MYBBP1A: variants seen among roughly 807,000 people sequenced by gnomAD.
The protein encoded by MYBBP1A is myb-binding protein 1A.
In MYBBP1A, 147 loss-of-function variants were observed where a neutral mutation model predicts 136.3. The observed-to-expected ratio is 1.08, with a 90% CI of 0.94 to 1.24. The LOEUF (loss-of-function observed/expected upper bound fraction) is 1.24, where lower values mean the gene tolerates loss of function less well. Among genes scored for constraint, MYBBP1A ranks in the 50% most tolerant of loss-of-function variants. The pLI, the probability that MYBBP1A is intolerant of heterozygous loss-of-function variation, is 0.00. For missense variants in MYBBP1A, 2,060 were observed against 1,727.4 expected (o/e 1.19, Z -3.41); for synonymous variants, 947 against 735.8 (o/e 1.29, Z -4.65).
rs1172098045 is a variant in MYBBP1A at position 4,554,867 on chromosome 17, C to T, written c.288G>A (p.Leu96=). 6.2e-7 allele frequency: 1 copy of T among 1,613,398 alleles called. No individual in the cohort carries two copies. Among genetic ancestry groups the T allele is most frequent in the African/African-American group, 1.3e-5 (1 of 74,946 alleles). ...GCCAGGAGCACCACCTCACCTGTGC[C>T]AGGGCCAAACTGTAGCAGGGCCGGG... The part of the protein sequence containing the change: ...ETARPCYSLA[L]AQLLQSFEDL... Residue 96 remains leucine, a synonymous_variant, in exon 2 of 26, where the codon CTG becomes CTA. Transcript: ENST00000254718.
rs190623725 is a variant in MYBBP1A, at chr17:4,552,082, C to T, written c.905+43G>A. 1.8e-4 allele frequency: 292 copies of T among 1,601,468 alleles called. No individual in the cohort carries two copies. In the East Asian group the frequency reaches 5.3e-3, roughly 29 times the overall value. On this transcript the variant is annotated intron_variant, in intron 7 of 25. Coordinates refer to ENST00000254718, the MANE Select transcript of MYBBP1A (RefSeq NM_014520.4). This position sits in a 1 kb window ranked among gnomAD's most constrained non-coding sequence, Gnocchi z 4.7. ...AGGACTAGTGGCCTAGCCCACTTCA[C>T]GGACAGGGAAGGGGGCCGAGAGAGG...
chr17:4,540,245 G>GC lies in MYBBP1A; in HGVS notation c.3434+102_3434+103insG. 3.6e-6 allele frequency: 5 copies of GC among 1,397,144 alleles called. No individual in the cohort carries two copies. The African/African-American group carries it at 5.0e-5, about 14-fold the overall frequency. 86.5% of individuals were successfully genotyped at this position (1,397,144 alleles called of 1,614,324 possible). The stretch of plus-strand genomic sequence containing the variant: ...GTGTGTGCAGCAGCATGCGTGTGCA[G>GC]TGTGCGTGTGCAGCAGCGTGTGTGC... On this transcript the variant is annotated intron_variant, in intron 25 of 25. Coordinates refer to ENST00000254718, the MANE Select transcript of MYBBP1A (RefSeq NM_014520.4).
At chr17:4,540,010 A>T (rs201370679) in intron 25 of MYBBP1A, 43 bp from the exon 26 acceptor site, 21 of 1,574,256 alleles carry the variant, frequency 1.3e-5, no homozygotes. Context: ...CATCGAGGGC[A>T]GCAGCCACCG....
chr17:4,550,076 TG>T lies in MYBBP1A; in HGVS notation c.1300del (p.Gln434ArgfsTer15). 1 of 1,613,158 alleles carries T rather than the reference TG, an allele frequency of 6.2e-7. No individual in the cohort carries two copies. The highest frequency in any genetic ancestry group is 8.5e-7 in the Non-Finnish European group (1 of 1,179,380). ...DFSTNNQKKA[Q>X]DSSLHMPERA... ...CACTCACATGTGGAGCGATGAATCC[TG>T]GGCTTTCTTCTGGTTGTTGGTGCTG... On this transcript the variant is annotated frameshift_variant, in exon 9 of 26. Coordinates refer to ENST00000254718, the MANE Select transcript of MYBBP1A (RefSeq NM_014520.4). LOFTEE classifies it high-confidence loss of function.
At chr17:4,543,335 G>A in intron 19 of MYBBP1A, 170 bp from the exon 20 acceptor site, 1 of 867,818 alleles carries the variant, frequency 1.2e-6, no homozygotes, top group East Asian at 2.7e-5. Context: ...CTGCCTGGAA[G>A]CTGTGTGGGC....
At chr17:4,541,952 G>T in intron 22 of MYBBP1A, 61 bp from the exon 23 acceptor site, 2 of 1,388,202 alleles carry the variant, frequency 1.4e-6, no homozygotes, top group Non-Finnish European at 1.0e-6. Flanking sequence ...ACGGCTCAGG[G>T]ATGCATGAGG....
At chr17:4,544,729 T>TGGGCGCACAGGGAG (rs1906805688) in intron 18 of MYBBP1A, 22 bp downstream of exon 18, 3 of 1,482,126 alleles carry the variant, frequency 2.0e-6, no homozygotes, top group African/African-American at 3.5e-5. Flanking sequence ...CGGGGGTGGG[T>TGGGCGCACAGGGAG]GCGGCCCGCC....
Position 4,548,264 on chromosome 17 carries a change from T to C in MYBBP1A, c.1603A>G (p.Thr535Ala), listed in dbSNP as rs755346830. Residue 535 changes from threonine to alanine, a missense_variant, in exon 12 of 26, where the codon ACC becomes GCC. Transcript: ENST00000254718. This position sits in a 1 kb window ranked among gnomAD's most constrained non-coding sequence, Gnocchi z 4.2. ...TAGGTCCAGGGCTGCCCACCCTGGGTCTGGCCCGGTGCCTGCTTGAACTGC... is the reference window on the plus strand; with the variant it reads ...TAGGTCCAGGGCTGCCCACCCTGGGCCTGGCCCGGTGCCTGCTTGAACTGC... ...STQFKQAPGQ[T>A]QGGQPWTYHL... is the part of the protein sequence containing the mutation. 2 of 1,612,418 alleles carry C rather than the reference T, an allele frequency of 1.2e-6. No homozygotes were observed. Among genetic ancestry groups the C allele is most frequent in the Non-Finnish European group, 1.7e-6 (2 of 1,180,010 alleles).
rs764770064 is a variant in MYBBP1A at position 4,544,525 on chromosome 17, T to C, written c.2603A>G (p.Glu868Gly). 3 of 1,554,416 alleles carry C rather than the reference T, an allele frequency of 1.9e-6. No individual in the cohort carries two copies. Among genetic ancestry groups the C allele is most frequent in the South Asian group, 2.4e-5 (2 of 84,350 alleles). The change falls in exon 19 of 26, where the codon GAG becomes GGG. Residue 868 changes from glutamate (E) to glycine (G), a missense_variant. By Grantham distance (98) the Glu-to-Gly change is moderately conservative (BLOSUM62 -2). Transcript: ENST00000254718. The stretch of plus-strand genomic sequence containing the variant: ...CGCCGTCTTGTGCAGAAGGTCCTGC[T>C]CCTGTTTGGAGCTGCTGCTGCGCAG... ...RSLRSSSSKQ[E>G]QDLLHKTARI...
rs760122659 is a variant in MYBBP1A, at chr17:4,554,856, C to T, written c.294+5G>A. ...GCTGGGACCCTGCCAGGAGCACCACCTCACCTGTGCCAGGGCCAAACTGTA... is the reference window on the plus strand; with the variant it reads ...GCTGGGACCCTGCCAGGAGCACCACTTCACCTGTGCCAGGGCCAAACTGTA... On this transcript the variant is annotated splice_donor_5th_base_variant and intron_variant, in intron 2 of 25. Transcript: ENST00000254718. The T allele has an allele frequency of 3.7e-6, 6 of 1,613,254 alleles. No homozygotes were observed. In the Admixed American group the frequency reaches 5.0e-5, roughly 13 times the overall value.
intron 5 of MYBBP1A, among the ~76,000 whole-genome samples, chr17:4,553,440 G>A (rs917356784): frequency 2.6e-5 from 4 of 152,240 alleles, no homozygotes; most frequent in Non-Finnish European, 2.9e-5. Context: ...TGCCCAATAC[G>A]GTAGCCACAG....
chr17:4,553,895 G>A lies in MYBBP1A; in HGVS notation c.476C>T (p.Ser159Leu), dbSNP rs746111997. ...GGCCAGGGCCTGCAGCAGCTTCACC[G>A]ACTTCATCAGTGCCTCCTGGTCCTG... ...LVKDQEALMKSVKLLQALAQY... is the reference protein window; with the variant it reads ...LVKDQEALMKLVKLLQALAQY... The change falls in exon 5 of 26, where the codon TCG becomes TTG. Residue 159 changes from serine to leucine, a missense_variant. Transcript: ENST00000254718. 9 of 1,613,826 alleles carry A rather than the reference G, an allele frequency of 5.6e-6. No homozygotes were observed. Among genetic ancestry groups the A allele is most frequent in the Admixed American group, 1.7e-5 (1 of 59,974 alleles).
At position 4,548,008 on chromosome 17, in the gene MYBBP1A, C is replaced by T. The variant is rs1907149508; in HGVS notation, c.1774G>A (p.Ala592Thr). 1 of 1,544,366 alleles carries T rather than the reference C, an allele frequency of 6.5e-7. No individual in the cohort carries two copies. Among genetic ancestry groups the T allele is most frequent in the East Asian group, 2.4e-5 (1 of 41,178 alleles). Residue 592 changes from alanine (A) to threonine (T), a missense_variant, in exon 13 of 26, where the codon GCT becomes ACT. Physicochemically the swap from Ala to Thr is moderately conservative, Grantham distance 58 (BLOSUM62 0). Coordinates refer to ENST00000254718, the MANE Select transcript of MYBBP1A (RefSeq NM_014520.4). This position sits in a 1 kb window ranked among gnomAD's most constrained non-coding sequence, Gnocchi z 4.2. ...AGCAGAAGGTGCTGGAAGGCAGCAGCCCTGGCCTCTGCGGAGTGGGCCTCC... is the reference window on the plus strand; with the variant it reads ...AGCAGAAGGTGCTGGAAGGCAGCAGTCCTGGCCTCTGCGGAGTGGGCCTCC... ...ELEAHSAEARAAAFQHLLLLV... is the reference protein window; with the variant it reads ...ELEAHSAEARTAAFQHLLLLV...
chr17:4,548,771 G>A lies in MYBBP1A; in HGVS notation c.1431-122C>T, dbSNP rs1324667915. ...GGAGGAGGAGCCGCCCTTCTGCCCT[G>A]GGTACAGTCCTCGGGGGCCTGACGG... On this transcript the variant is annotated intron_variant, in intron 10 of 25. Transcript: ENST00000254718. This position sits in a 1 kb window ranked among gnomAD's most constrained non-coding sequence, Gnocchi z 4.2. The A allele has an allele frequency of 2.2e-6, 3 of 1,388,384 alleles. No homozygotes were observed. Among genetic ancestry groups the A allele is most frequent in the East Asian group, 4.7e-5 (2 of 42,654 alleles). The allele number at this position is 1,388,384 out of a possible 1,614,324, so 86.0% of individuals were successfully genotyped here. A position where few individuals can be genotyped will look rare whatever the true frequency, so the allele number is the denominator to read the frequency against.
At position 4,552,030 on chromosome 17, in the gene MYBBP1A, G is replaced by A. The variant is rs1907563978; in HGVS notation, c.906-33C>T. The A allele has an allele frequency of 6.3e-7, 1 of 1,596,166 alleles. No individual in the cohort carries two copies. Among genetic ancestry groups the A allele is most frequent in the Non-Finnish European group, 8.6e-7 (1 of 1,168,408 alleles). ...GGGTGCAGGACAGAGCCTGGTCAGA[G>A]CCCTTGGTGCCCCTGGTGGGAACCT... On this transcript the variant is annotated intron_variant, in intron 7 of 25. Coordinates refer to ENST00000254718, the MANE Select transcript of MYBBP1A (RefSeq NM_014520.4). The surrounding 1 kb of genome is among the most constrained non-coding windows in gnomAD (Gnocchi z 4.7).
intron 19 of MYBBP1A, among the ~76,000 whole-genome samples, 166 bp downstream of exon 19, chr17:4,544,323 C>T (rs186679727): frequency 6.6e-6 from 1 of 152,340 alleles, no homozygotes; most frequent in Admixed American, 6.5e-5. Context: ...GTGGGAATCA[C>T]TAAGTGACGT....
chr17:4,545,049 C>T lies in MYBBP1A; in HGVS notation c.2287G>A (p.Val763Met), dbSNP rs200520848. 39 of 1,546,318 alleles carry T rather than the reference C, an allele frequency of 2.5e-5. No individual in the cohort carries two copies. The East Asian group carries it at 4.4e-4, about 17-fold the overall frequency. Residue 763 changes from valine (V) to methionine (M), a missense_variant, in exon 17 of 26, where the codon GTG (valine) becomes ATG (methionine). Val to Met is a conservative substitution (Grantham distance 21). Coordinates refer to ENST00000254718, the MANE Select transcript of MYBBP1A (RefSeq NM_014520.4). ...ACCAGCGCCTTCCCAGCCTGCAGCA[C>T]GGTCATCAGCTGTTCCCGGAAGCCC... ...DQGFREQLMT[V>M]LQAGKALGGE...
chr17:4,539,271 C>T lies in MYBBP1A; in HGVS notation c.*144G>A, dbSNP rs1906103022. 4.0e-6 allele frequency: 6 copies of T among 1,490,814 alleles called. No homozygotes were observed. In the Admixed American group the frequency reaches 9.3e-5, roughly 23 times the overall value. The allele number at this position is 1,490,814 out of a possible 1,614,324, so 92.3% of individuals were successfully genotyped here. ...GGCTGTGCTTGCCAGAGCAGGATGC[C>T]CGGGCAGGCGGCAACAGCCACCCTC... On this transcript the variant is annotated 3_prime_UTR_variant, in exon 26 of 26. Coordinates refer to ENST00000254718, the MANE Select transcript of MYBBP1A (RefSeq NM_014520.4).
rs1175919027 is a variant in MYBBP1A, at chr17:4,539,344, T to TTA, written c.*70_*71insTA. 585 of 1,401,866 alleles carry TTA rather than the reference T, an allele frequency of 4.2e-4. 4 individuals carry two copies. Among genetic ancestry groups the TTA allele is most frequent in the South Asian group, 2.4e-3 (152 of 64,646 alleles). 86.8% of individuals were successfully genotyped at this position (1,401,866 alleles called of 1,614,324 possible). A position where few individuals can be genotyped will look rare whatever the true frequency, so the allele number is the denominator to read the frequency against. ...CAGCTTGCGTATTAAAATCATGGTT[T>TTA]AAAAAAAAAAAAAAAAAATAGGCGT... On this transcript the variant is annotated 3_prime_UTR_variant, in exon 26 of 26. Coordinates refer to ENST00000254718, the MANE Select transcript of MYBBP1A (RefSeq NM_014520.4).
Sources: gnomAD v4.1 joint callset for allele counts (sites outside exome capture counted in the v4.1 genomes callset) on GRCh38, gnomAD v4.1.1 for gene constraint, Gnocchi (gnomAD v3.1) non-coding constraint, MANE v1.5 for transcripts, NCBI Gene and HGNC (gene_info 2026-07-23, HGNC 2026-07-21) for gene names.